Variants in DLGAP2 observed in about 807,000 individuals in gnomAD.
DLGAP2 encodes disks large-associated protein 2.
In DLGAP2, 26 loss-of-function variants were observed where a neutral mutation model predicts 100.3. The observed-to-expected ratio is 0.26, with a 90% CI of 0.19 to 0.36. DLGAP2 has a LOEUF of 0.36. Ranked by LOEUF, DLGAP2 falls within the 10% of genes least tolerant of loss-of-function variation. The probability of loss-of-function intolerance (pLI) is 1.00; values close to 1 mark genes in which losing one functional copy is unlikely to be tolerated. For synonymous variants in DLGAP2, 886 were observed against 630.1 expected (o/e 1.41, Z -6.08); for missense variants, 1,858 against 1,453.2 (o/e 1.28, Z -4.53).
Position 1,549,425 on chromosome 8 carries a change from C to G in DLGAP2, c.972C>G (p.Ala324=), listed in dbSNP as rs561878229. Residue 324 remains alanine (A), a synonymous_variant, in exon 5 of 15, where the codon GCC becomes GCG. Coordinates refer to ENST00000637795, the MANE Select transcript of DLGAP2 (RefSeq NM_001346810.2). ...ACCGGCACCACCTGGGCCCCGTGGCCCACTGCTACCCCGACGCGCTGCAGA... is the reference window on the plus strand; with the variant it reads ...ACCGGCACCACCTGGGCCCCGTGGCGCACTGCTACCCCGACGCGCTGCAGA... The part of the protein sequence containing the change: ...VLNRHHLGPV[A]HCYPDALQSP... 3 of 1,613,322 alleles carry G rather than the reference C, an allele frequency of 1.9e-6. No homozygotes were observed. The highest frequency in any genetic ancestry group is 2.5e-6 in the Non-Finnish European group (3 of 1,179,794).
intron 5 of DLGAP2, among the ~76,000 whole-genome samples, chr8:1,551,357 A>G (rs1267036832): frequency 6.6e-6 from 1 of 152,148 alleles, no homozygotes; most frequent in African/African-American, 2.4e-5. Context: ...CCTGGTGTGG[A>G]TAGTCAGTGT....
chr8:1,128,658 G>T (rs963319997), intron 2 of DLGAP2, among the ~76,000 whole-genome samples: 3 of 152,176 alleles, frequency 2.0e-5, no homozygotes, highest in African/African-American at 7.2e-5. Context: ...CCCAGAACCT[G>T]TCCCTGGTGT....
chr8:1,154,723 C>G (rs1163627109), intron 2 of DLGAP2, among the ~76,000 whole-genome samples: 1 of 152,116 alleles, frequency 6.6e-6, no homozygotes, highest in African/African-American at 2.4e-5. Context: ...CCTTTTCTCC[C>G]GGAGTCGGTC....
At chr8:922,029 C>A (rs1369381326) in intron 2 of DLGAP2, among the ~76,000 whole-genome samples, 1 of 152,202 alleles carries the variant, frequency 6.6e-6, no homozygotes, top group Non-Finnish European at 1.5e-5. Flanking sequence ...GCATGCTGGC[C>A]CGGGTGTGGC....
intron 12 of DLGAP2, among the ~76,000 whole-genome samples, chr8:1,686,021 C>G (rs1257845325): frequency 6.6e-6 from 1 of 152,168 alleles, no homozygotes; most frequent in African/African-American, 2.4e-5. Context: ...AGAGATTTCT[C>G]AAAAACTAGA....
intron 4 of DLGAP2, among the ~76,000 whole-genome samples, chr8:1,545,333 C>G (rs975558429): frequency 6.6e-6 from 1 of 152,214 alleles, no homozygotes; most frequent in Non-Finnish European, 1.5e-5. Flanking sequence ...TATTGTTATA[C>G]TTACAATATG....
At chr8:1,327,620 G>A (rs1197534636) in intron 3 of DLGAP2, among the ~76,000 whole-genome samples, 1 of 152,122 alleles carries the variant, frequency 6.6e-6, no homozygotes, top group Admixed American at 6.5e-5. Context: ...CAAGGCAGGT[G>A]GATCACGAGG....
intron 3 of DLGAP2, among the ~76,000 whole-genome samples, chr8:1,340,771 C>G (rs1181213550): frequency 2.0e-5 from 3 of 152,294 alleles, no homozygotes; most frequent in Middle Eastern, 6.8e-3. Flanking sequence ...CATGCACAGA[C>G]ACACATGCAC....
At chr8:1,636,715 C>G (rs1563271817) in intron 8 of DLGAP2, among the ~76,000 whole-genome samples, 1 of 152,212 alleles carries the variant, frequency 6.6e-6, no homozygotes, top group Non-Finnish European at 1.5e-5. Flanking sequence ...AACTTGTTGC[C>G]TCAACCTTCT....
chr8:864,001 G>A (rs1241334699), intron 1 of DLGAP2, among the ~76,000 whole-genome samples: 5 of 152,162 alleles, frequency 3.3e-5, no homozygotes, highest in Admixed American at 1.3e-4. Context: ...GGTACACAGT[G>A]GATATGACTC....
At chr8:849,669 T>A (rs578248420) in intron 1 of DLGAP2, among the ~76,000 whole-genome samples, 1 of 152,228 alleles carries the variant, frequency 6.6e-6, no homozygotes, top group Non-Finnish European at 1.5e-5. Context: ...TGTATCTCTT[T>A]CAAGGTTTTA....
intron 8 of DLGAP2, among the ~76,000 whole-genome samples, chr8:1,662,956 G>T (rs1585042716): frequency 2.0e-5 from 3 of 147,736 alleles, no homozygotes; most frequent in Admixed American, 2.0e-4. Context: ...GTGTACACAT[G>T]TGTGAGTGTG....
chr8:1,573,932 C>G (rs1009424220), intron 6 of DLGAP2, among the ~76,000 whole-genome samples: 1 of 152,070 alleles, frequency 6.6e-6, no homozygotes, highest in Non-Finnish European at 1.5e-5. Flanking sequence ...TCATAAGTGG[C>G]GTAGGTAACT....
chr8:1,436,765 C>G (rs1429506221), intron 3 of DLGAP2, among the ~76,000 whole-genome samples: 3 of 152,198 alleles, frequency 2.0e-5, no homozygotes, highest in African/African-American at 7.2e-5. Flanking sequence ...ACCCACTCAC[C>G]CGGTCACCCA....
intron 3 of DLGAP2, among the ~76,000 whole-genome samples, chr8:1,461,102 CG>C (rs1281872516): frequency 8.1e-5 from 12 of 149,000 alleles, no homozygotes; most frequent in African/African-American, 2.2e-4. Flanking sequence ...GCTGCTGTCA[CG>C]TGGGCTGGGT....
Position 1,341,899 on chromosome 8 carries a change from G to A in DLGAP2, c.106+83016G>A, listed in dbSNP as rs551650741. On this transcript the variant is annotated intron_variant, in intron 3 of 14. Coordinates refer to ENST00000637795, the MANE Select transcript of DLGAP2 (RefSeq NM_001346810.2). ...CACTGTGGGATTCTAGCCTGCGGGT[G>A]AAGCAATTGAGGTCTGAGGTTTTGT... 1.2e-4 allele frequency among the ~76,000 whole-genome samples: 18 copies of A among 152,320 alleles called. 1 individual carries two copies. In the South Asian group the frequency reaches 3.7e-3, roughly 32 times the overall value.
At chr8:836,313 C>T (rs1448379430) in intron 1 of DLGAP2, among the ~76,000 whole-genome samples, 1 of 152,288 alleles carries the variant, frequency 6.6e-6, no homozygotes, top group South Asian at 2.1e-4. Flanking sequence ...GTGCAGCCAT[C>T]GGGTGAGAAG....
chr8:1,492,553 T>A (rs1270509359), intron 3 of DLGAP2, among the ~76,000 whole-genome samples: 1 of 152,216 alleles, frequency 6.6e-6, no homozygotes, highest in African/African-American at 2.4e-5. Context: ...GGGACCGCGC[T>A]TCGCTCCGCA....
chr8:1,188,674 G>C (rs1289370813), intron 2 of DLGAP2, among the ~76,000 whole-genome samples: 2 of 152,110 alleles, frequency 1.3e-5, no homozygotes, highest in Non-Finnish European at 2.9e-5. Flanking sequence ...AGCACTCCGG[G>C]GGCAGGAAGA....
Sources: gnomAD v4.1 joint callset for allele counts (sites outside exome capture counted in the v4.1 genomes callset) on GRCh38, gnomAD v4.1.1 for gene constraint, MANE v1.5 for transcripts, NCBI Gene and HGNC (gene_info 2026-07-23, HGNC 2026-07-21) for gene names.